The following ATAD1 variants were observed in gnomAD, a reference collection of about 807,000 sequenced individuals.
The protein encoded by ATAD1 is ATPase family AAA domain containing 1.
A neutral mutation model predicts 42.7 loss-of-function variants in ATAD1; 18 were observed. The ratio of observed to expected loss-of-function variants is 0.42; its 90% CI spans 0.29 to 0.63. The LOEUF (loss-of-function observed/expected upper bound fraction) is 0.63. Ranked by LOEUF, ATAD1 falls within the 20% of genes least tolerant of loss-of-function variation. ATAD1 has a pLI of 0.19. For missense variants in ATAD1, 294 were observed against 440.4 expected, an observed-to-expected ratio of 0.67 and a Z score of 2.98; for synonymous variants, 132 against 143.1, an observed-to-expected ratio of 0.92 and a Z score of 0.55.
intron 6 of ATAD1, among the ~76,000 whole-genome samples, chr10:87,776,036 C>T (rs558770152): frequency 4.8e-4 from 73 of 152,270 alleles, no homozygotes; most frequent in African/African-American, 1.7e-3. Context: ...CTCCTTAGCA[C>T]TGTAGGTTCT....
chr10:87,797,547 C>T lies in ATAD1; in HGVS notation c.163-4792G>A, dbSNP rs143652534. Among the ~76,000 whole-genome samples, 1,137 of 152,214 alleles carry T rather than the reference C, an allele frequency of 7.5e-3. 19 individuals carry two copies. The highest frequency in any genetic ancestry group is 0.026 in the African/African-American group (1,072 of 41,528). ...ACCCCTTTTAGAGTGTTCTGTTTTC[C>T]TTGTGGAGTTTCAAGAGTCATGGGC... On this transcript the variant is annotated intron_variant, in intron 2 of 9. Coordinates refer to ENST00000680024, the MANE Select transcript of ATAD1 (RefSeq NM_001321967.2).
chr10:87,813,737 T>C (rs917711919), intron 2 of ATAD1, among the ~76,000 whole-genome samples: 1 of 152,046 alleles, frequency 6.6e-6, no homozygotes, highest in East Asian at 1.9e-4. Flanking sequence ...ATGAATATCC[T>C]ATTTAATTAT....
At chr10:87,784,705 G>C (rs771820826) in intron 4 of ATAD1, 35 bp from the exon 5 acceptor site, 13 of 1,570,786 alleles carry the variant, frequency 8.3e-6, no homozygotes, top group Non-Finnish European at 1.0e-5. Flanking sequence ...ACCTTTAAGG[G>C]GATATTTGCT....
intron 6 of ATAD1, among the ~76,000 whole-genome samples, chr10:87,772,042 A>G (rs1855057827): frequency 6.6e-6 from 1 of 152,190 alleles, no homozygotes; most frequent in Admixed American, 6.5e-5. Flanking sequence ...TCAGAGCCCA[A>G]TTACTTTCAA....
At chr10:87,773,597 C>T (rs1207795597) in intron 6 of ATAD1, among the ~76,000 whole-genome samples, 1 of 152,156 alleles carries the variant, frequency 6.6e-6, no homozygotes, top group African/African-American at 2.4e-5. Flanking sequence ...AAGGCAGCAG[C>T]ATTTGCTCTC....
At position 87,767,152 on chromosome 10, in the gene ATAD1, G is replaced by A. The variant is rs117025352; in HGVS notation, c.831+521C>T. Among the ~76,000 whole-genome samples the A allele has an allele frequency of 6.1e-3, 931 of 152,146 alleles. 10 individuals are homozygous for A. The highest frequency in any genetic ancestry group is 0.017 in the South Asian group (80 of 4,814). ...TTAATGCACAGATACAAAAACACATGGCTCTAAAAACATAAGAAAAGTATC... is the reference window on the plus strand; with the variant it reads ...TTAATGCACAGATACAAAAACACATAGCTCTAAAAACATAAGAAAAGTATC... On this transcript the variant is annotated intron_variant, in intron 8 of 9. Coordinates refer to ENST00000680024, the MANE Select transcript of ATAD1 (RefSeq NM_001321967.2).
At chr10:87,806,113 C>G (rs935516753) in intron 2 of ATAD1, among the ~76,000 whole-genome samples, 2 of 152,086 alleles carry the variant, frequency 1.3e-5, no homozygotes, top group African/African-American at 2.4e-5. Context: ...TCCCCAAATT[C>G]TGATTATTTC....
In ATAD1 at chr10:87,753,529, GA is replaced by G. The variant is rs983291840; in HGVS notation, c.*1157del. On this transcript the variant is annotated 3_prime_UTR_variant, in exon 10 of 10. Transcript: ENST00000680024. ...ACAGAATTCTGGTTAGTAAAATTTT[GA>G]AAAAAATTCACATATAATTCACATT... 1 of 152,084 alleles carries G rather than the reference GA, an allele frequency of 6.6e-6. No individual in the cohort carries two copies. The highest frequency in any genetic ancestry group is 2.4e-5 in the African/African-American group (1 of 41,364). The allele number at this position is 152,084 out of a possible 1,614,324, so 9.4% of individuals were successfully genotyped here.
At chr10:87,818,760 G>C (rs1857551238), upstream of ATAD1, 1 of 152,228 alleles carries the variant, frequency 6.6e-6, no homozygotes, top group African/African-American at 2.4e-5. Context: ...AAACACCTCG[G>C]GGTGGCGCCT....
intron 1 of ATAD1, among the ~76,000 whole-genome samples, chr10:87,835,652 AT>A (rs1388315415): frequency 1.3e-5 from 2 of 152,128 alleles, no homozygotes; most frequent in African/African-American, 4.8e-5. Flanking sequence ...ATTTAATGTA[AT>A]AATTGATATA....
intron 5 of ATAD1, among the ~76,000 whole-genome samples, chr10:87,780,437 TTAA>T (rs1241720599): frequency 6.6e-6 from 1 of 152,102 alleles, no homozygotes; most frequent in Non-Finnish European, 1.5e-5. Flanking sequence ...TGGACTTTGG[TTAA>T]TAACAATGTA....
At chr10:87,756,205 C>T (rs187852997) in intron 9 of ATAD1, among the ~76,000 whole-genome samples, 1 of 152,064 alleles carries the variant, frequency 6.6e-6, no homozygotes, top group African/African-American at 2.4e-5. Context: ...TGGAGTTCAC[C>T]AAGAATCACA....
intron 6 of ATAD1, among the ~76,000 whole-genome samples, chr10:87,773,368 G>A (rs921758935): frequency 6.6e-6 from 1 of 152,062 alleles, no homozygotes; most frequent in African/African-American, 2.4e-5. Context: ...TCATTGAGCC[G>A]TTCTCTATTT....
chr10:87,778,667 AAAACT>A, intron 5 of ATAD1, among the ~76,000 whole-genome samples: 1 of 152,326 alleles, frequency 6.6e-6, no homozygotes, highest in Non-Finnish European at 1.5e-5. Context: ...TTGTTGCTCA[AAAACT>A]TTCGAATTTT....
At chr10:87,791,134 G>A (rs1459739978) in intron 3 of ATAD1, among the ~76,000 whole-genome samples, 4 of 150,616 alleles carry the variant, frequency 2.7e-5, no homozygotes, top group African/African-American at 9.8e-5. Flanking sequence ...GAACCTGGGA[G>A]GCGGAGGTTA....
chr10:87,798,732 C>A (rs1040776317), intron 2 of ATAD1, among the ~76,000 whole-genome samples: 1 of 151,596 alleles, frequency 6.6e-6, no homozygotes. Flanking sequence ...CCTCTTAGCA[C>A]ACTAGACGTT....
chr10:87,767,794 A>C (rs1316666716), intron 7 of ATAD1, 71 bp from the exon 8 acceptor site: 1 of 1,445,524 alleles, frequency 6.9e-7, no homozygotes, highest in Non-Finnish European at 9.5e-7. Flanking sequence ...TAGTGTTCCT[A>C]ATATTTTGTC....
At chr10:87,785,785 C>T (rs1329077467) in intron 4 of ATAD1, among the ~76,000 whole-genome samples, 2 of 151,260 alleles carry the variant, frequency 1.3e-5, no homozygotes, top group Non-Finnish European at 2.9e-5. Flanking sequence ...TTATTTTTCA[C>T]ATCAAACACT....
At chr10:87,828,387 A>T (rs1248152763) in intron 1 of ATAD1, among the ~76,000 whole-genome samples, 27 of 152,236 alleles carry the variant, frequency 1.8e-4, no homozygotes, top group Admixed American at 1.8e-3. Context: ...AGATCTAACC[A>T]ACCACATTCC....
Sources: allele counts gnomAD v4.1 joint callset (sites outside exome capture counted in the v4.1 genomes callset), GRCh38; gene constraint gnomAD v4.1.1; transcripts MANE v1.5; gene names NCBI Gene and HGNC (gene_info 2026-07-23, HGNC 2026-07-21).